The following BRWD3 variants were observed in gnomAD, a reference collection of about 807,000 sequenced individuals.
BRWD3 encodes the protein bromodomain and WD repeat-containing protein 3.
A neutral mutation model predicts 149.7 loss-of-function variants in BRWD3; 10 were observed. The observed-to-expected ratio is 0.07, with a 90% CI of 0.04 to 0.11. The LOEUF (loss-of-function observed/expected upper bound fraction) is 0.11, where lower values mean the gene tolerates loss of function less well. Among genes scored for constraint, BRWD3 ranks in the 10% least tolerant of loss-of-function variants. The pLI, the probability that BRWD3 is intolerant of heterozygous loss-of-function variation, is 1.00. For synonymous variants in BRWD3, 504 were observed against 456.7 expected (o/e 1.10, Z -1.32); for missense variants, 940 against 1,373.2 (o/e 0.68, Z 4.99).
In BRWD3 at chrX:80,809,660, G is replaced by A; in HGVS notation, c.-189C>T. The A allele has an allele frequency of 2.3e-6, 1 of 430,772 alleles. No homozygotes were observed. Among genetic ancestry groups the A allele is most frequent in the Admixed American group, 4.1e-5 (1 of 24,276 alleles). The allele number at this position is 430,772 out of a possible 1,213,427, so 35.5% of individuals were successfully genotyped here. ...TCGACCCATAGATATTCTAGCCCAA[G>A]AGCTGAGGAGGCGGAGGAGGAAGGA... On this transcript the variant is annotated 5_prime_UTR_variant, in exon 1 of 41. Coordinates refer to ENST00000373275, the MANE Select transcript of BRWD3 (RefSeq NM_153252.5).
At chrX:80,755,391 G>C (rs1602397598) in intron 6 of BRWD3, among the ~76,000 whole-genome samples, 2 of 111,674 alleles carry the variant, frequency 1.8e-5, no homozygotes, top group South Asian at 7.4e-4. Context: ...TCACAGAAAA[G>C]ATACAACTAT....
At chrX:80,701,427 A>T (rs1163673745) in intron 24 of BRWD3, among the ~76,000 whole-genome samples, 1 of 106,355 alleles carries the variant, frequency 9.4e-6, no homozygotes, top group African/African-American at 3.4e-5. Flanking sequence ...GCACGCCTGT[A>T]ATCCCAGCTA....
At chrX:80,719,160 G>A (rs1287852493) in intron 18 of BRWD3, among the ~76,000 whole-genome samples, 1 of 109,725 alleles carries the variant, frequency 9.1e-6, no homozygotes, top group African/African-American at 3.3e-5. Flanking sequence ...TTTTAATTTT[G>A]AAAACTATAT....
chrX:80,753,266 T>C (rs1279526350), intron 6 of BRWD3, among the ~76,000 whole-genome samples: 3 of 93,905 alleles, frequency 3.2e-5, no homozygotes, highest in Non-Finnish European at 6.1e-5. Context: ...TTGCCTGTGC[T>C]TTTCAGTTTT....
intron 25 of BRWD3, 75 bp downstream of exon 25, chrX:80,699,882 G>T: frequency 1.4e-6 from 1 of 728,372 alleles, no homozygotes. Context: ...TAAAACTGAG[G>T]GGAAAAAACC....
rs2074381960 is a variant in BRWD3 at position 80,809,061 on chromosome X, C to T, written c.91-19G>A. On this transcript the variant is annotated intron_variant, in intron 2 of 40. Transcript: ENST00000373275. Reference sequence around the variant, plus strand: ...CTAGCACCTGAGCAAAAGGGAAACACAGATATGAGGAGCAGCTCGGGCCAT... The same window carrying T: ...CTAGCACCTGAGCAAAAGGGAAACATAGATATGAGGAGCAGCTCGGGCCAT... 2 of 1,183,156 alleles carry T rather than the reference C, an allele frequency of 1.7e-6. No homozygotes were observed. Among genetic ancestry groups the T allele is most frequent in the Admixed American group, 4.8e-5 (2 of 41,561 alleles).
chrX:80,740,486 T>G (rs2073469797), intron 8 of BRWD3, among the ~76,000 whole-genome samples: 2 of 112,530 alleles, frequency 1.8e-5, no homozygotes, highest in African/African-American at 6.5e-5. Flanking sequence ...CTCACGTGCC[T>G]GTAATCCCAG....
intron 23 of BRWD3, among the ~76,000 whole-genome samples, chrX:80,703,966 A>G (rs1017962576): frequency 1.2e-4 from 14 of 112,502 alleles, no homozygotes; most frequent in African/African-American, 4.2e-4. Flanking sequence ...ATGTGTCTAT[A>G]ATCAATTTTG....
At chrX:80,699,564 C>G (rs2072750401) in intron 25 of BRWD3, among the ~76,000 whole-genome samples, 1 of 111,314 alleles carries the variant, frequency 9.0e-6, no homozygotes, top group Admixed American at 9.6e-5. Flanking sequence ...TACAAAACAC[C>G]AAAAGTTTCT....
At chrX:80,730,058 A>G in intron 12 of BRWD3, 38 bp from the exon 13 acceptor site, 6 of 992,213 alleles carry the variant, frequency 6.0e-6, no homozygotes, top group Non-Finnish European at 7.1e-6. Flanking sequence ...ATTTTCTCAA[A>G]AATGTAAATC....
intron 14 of BRWD3, among the ~76,000 whole-genome samples, chrX:80,725,887 CTA>C (rs1215076691): frequency 1.8e-5 from 2 of 108,258 alleles, no homozygotes; most frequent in Admixed American, 9.7e-5. Context: ...TGTTACATGC[CTA>C]TATAACATGT....
At chrX:80,743,253 A>G (rs2073543511) in intron 8 of BRWD3, among the ~76,000 whole-genome samples, 1 of 111,857 alleles carries the variant, frequency 8.9e-6, no homozygotes, top group Non-Finnish European at 1.9e-5. Context: ...AGTCCACTTG[A>G]TCATGGTGGA....
At chrX:80,765,849 T>C (rs1389971519) in intron 6 of BRWD3, among the ~76,000 whole-genome samples, 3 of 111,971 alleles carry the variant, frequency 2.7e-5, no homozygotes, top group Non-Finnish European at 5.6e-5. Flanking sequence ...CAAACAGATA[T>C]ATCATGGCAA....
At chrX:80,726,449 G>C (rs1233846084) in intron 14 of BRWD3, among the ~76,000 whole-genome samples, 1 of 110,311 alleles carries the variant, frequency 9.1e-6, no homozygotes, top group African/African-American at 3.3e-5. Flanking sequence ...ACAAACATCT[G>C]CTTTAAGATC....
chrX:80,743,716 C>CT (rs1281671779), intron 8 of BRWD3: 1 of 207,166 alleles, frequency 4.8e-6, no homozygotes, highest in African/African-American at 3.0e-5. Flanking sequence ...GATGGTAGAA[C>CT]TCATTTATAT....
intron 18 of BRWD3, among the ~76,000 whole-genome samples, chrX:80,718,742 A>G (rs1331240267): frequency 8.9e-6 from 1 of 111,742 alleles, no homozygotes; most frequent in African/African-American, 3.2e-5. Context: ...CTAAAATGCA[A>G]TGTTACACAG....
intron 8 of BRWD3, among the ~76,000 whole-genome samples, chrX:80,737,367 T>C (rs2073419016): frequency 8.9e-6 from 1 of 112,202 alleles, no homozygotes; most frequent in Admixed American, 9.5e-5. Context: ...TTTGTTGTTA[T>C]ACTATATTAC....
At chrX:80,723,650 G>A (rs2073182091) in intron 16 of BRWD3, 98 bp downstream of exon 16, 4 of 896,313 alleles carry the variant, frequency 4.5e-6, no homozygotes, top group Non-Finnish European at 6.4e-6. Context: ...TGTATCTATT[G>A]ACACATAACA....
chrX:80,808,359 A>T (rs1229316121), intron 4 of BRWD3, among the ~76,000 whole-genome samples, 180 bp downstream of exon 4: 1 of 107,756 alleles, frequency 9.3e-6, no homozygotes, highest in Non-Finnish European at 1.9e-5. Flanking sequence ...AGCAGGGCCA[A>T]GGGGAGGGCA....
Sources: gnomAD v4.1 joint callset for allele counts (sites outside exome capture counted in the v4.1 genomes callset) on GRCh38, gnomAD v4.1.1 for gene constraint, MANE v1.5 for transcripts, NCBI Gene and HGNC (gene_info 2026-07-23, HGNC 2026-07-21) for gene names.